Variants in CDC73 observed in about 807,000 individuals in gnomAD.
CDC73 encodes cell division cycle 73.
A neutral mutation model predicts 83.7 loss-of-function variants in CDC73; 21 were observed. The observed-to-expected ratio is 0.25, with a 90% CI of 0.18 to 0.36. The LOEUF (loss-of-function observed/expected upper bound fraction) is 0.36, where lower values mean the gene tolerates loss of function less well. Among genes scored for constraint, CDC73 ranks in the 10% least tolerant of loss-of-function variants. CDC73 has a pLI of 1.00. For synonymous variants in CDC73, 224 were observed against 212.9 expected (o/e 1.05, Z -0.45); for missense variants, 342 against 653.3 (o/e 0.52, Z 5.19).
chr1:193,204,514 C>G (rs1454809211), intron 11 of CDC73, among the ~76,000 whole-genome samples: 1 of 151,824 alleles, frequency 6.6e-6, no homozygotes, highest in Non-Finnish European at 1.5e-5. Context: ...TGGTCTTGAT[C>G]TCCTGACCTC....
chr1:193,230,708 A>G (rs1002685695), intron 13 of CDC73, among the ~76,000 whole-genome samples: 2 of 152,096 alleles, frequency 1.3e-5, no homozygotes, highest in African/African-American at 4.8e-5. Context: ...ATAGTGGTAC[A>G]ATATAATGGT....
rs2103117958 is a variant in CDC73 at position 193,130,235 on chromosome 1, G to A, written c.299G>A (p.Gly100Asp). Residue 100 changes from glycine (G) to aspartate (D), a missense_variant, in exon 3 of 17, where the codon GGT (glycine) becomes GAT (aspartate). Coordinates refer to ENST00000367435, the MANE Select transcript of CDC73 (RefSeq NM_024529.5). ...DRKDLLGYLN[G>D]EASTSASIDR... is the part of the protein sequence containing the mutation. The stretch of plus-strand genomic sequence containing the variant: ...AAAGATCTACTTGGATATCTCAATG[G>A]TGAAGCGTGTGAGTACTTTTTAAAT... 6.4e-7 allele frequency: 1 copy of A among 1,564,762 alleles called. No homozygotes were observed. Among genetic ancestry groups the A allele is most frequent in the Non-Finnish European group, 8.8e-7 (1 of 1,135,616 alleles).
At chr1:193,181,164 A>T in intron 10 of CDC73, 1 of 1,613,936 alleles carries the variant, frequency 6.2e-7, no homozygotes, top group South Asian at 1.1e-5. Flanking sequence ...TGAAATGGTA[A>T]GAATTTGGAT....
chr1:193,226,078 C>T (rs1406492910), intron 13 of CDC73, among the ~76,000 whole-genome samples: 1 of 152,052 alleles, frequency 6.6e-6, no homozygotes, highest in Non-Finnish European at 1.5e-5. Context: ...AGTCCTTGAC[C>T]CATCTTGAGT....
At chr1:193,211,978 A>C in intron 11 of CDC73, 87 bp from the exon 12 acceptor site, 1 of 1,042,318 alleles carries the variant, frequency 9.6e-7, no homozygotes, top group South Asian at 1.4e-5. Flanking sequence ...AATACACATA[A>C]TTTAAAAAAT....
rs1678101659 is a variant in CDC73, at chr1:193,254,629, G to A, written c.*3917G>A. 6.6e-6 allele frequency among the ~76,000 whole-genome samples: 1 copy of A among 152,096 alleles called. No individual in the cohort carries two copies. Among genetic ancestry groups the A allele is most frequent in the Non-Finnish European group, 1.5e-5 (1 of 67,998 alleles). On this transcript the variant is annotated 3_prime_UTR_variant, in exon 17 of 17. Transcript: ENST00000367435. Reference sequence around the variant, plus strand: ...ATAGATGTATAAAGATTTATATTTAGTTAGTATATAATAGATAATACTTGC... The same window carrying A: ...ATAGATGTATAAAGATTTATATTTAATTAGTATATAATAGATAATACTTGC...
chr1:193,188,546 T>C (rs549025707), intron 10 of CDC73, among the ~76,000 whole-genome samples: 66 of 152,284 alleles, frequency 4.3e-4, no homozygotes, highest in Middle Eastern at 3.4e-3. Flanking sequence ...ACATATTGAT[T>C]AACTACTGTG....
chr1:193,152,294 A>C, intron 9 of CDC73, 86 bp from the exon 10 acceptor site: 1 of 819,394 alleles, frequency 1.2e-6, no homozygotes, highest in East Asian at 2.6e-5. Flanking sequence ...CATCACATTC[A>C]ATGTAGATTA....
At chr1:193,243,009 G>A (rs1677888859) in intron 15 of CDC73, among the ~76,000 whole-genome samples, 1 of 150,392 alleles carries the variant, frequency 6.6e-6, no homozygotes. Flanking sequence ...CTGGAGTGCA[G>A]TGGTGCAATC....
At chr1:193,233,905 C>T (rs35111331) in intron 14 of CDC73, among the ~76,000 whole-genome samples, 3,677 of 151,598 alleles carry the variant, frequency 0.024, 68 homozygotes, top group Middle Eastern at 0.066. Flanking sequence ...TTTCTTTAAC[C>T]GGGAGTAAAA....
At chr1:193,204,282 TATATA>T (rs1426058094) in intron 11 of CDC73, among the ~76,000 whole-genome samples, 4 of 141,016 alleles carry the variant, frequency 2.8e-5, no homozygotes, top group African/African-American at 1.1e-4. Context: ...TGTGTGTATA[TATATA>T]TTTTTTTTTT....
At chr1:193,203,226 A>G (rs1234870205) in intron 10 of CDC73, among the ~76,000 whole-genome samples, 3 of 152,024 alleles carry the variant, frequency 2.0e-5, no homozygotes. Flanking sequence ...AATTATTGAG[A>G]TTTGTTGTTT....
chr1:193,136,135 A>G (rs1675795129), intron 5 of CDC73, among the ~76,000 whole-genome samples: 1 of 152,104 alleles, frequency 6.6e-6, no homozygotes, highest in Non-Finnish European at 1.5e-5. Flanking sequence ...TTTAGGCCTT[A>G]TGGGCCATAC....
chr1:193,125,411 C>T (rs1019874140), intron 2 of CDC73, among the ~76,000 whole-genome samples, 194 bp downstream of exon 2: 1 of 152,010 alleles, frequency 6.6e-6, no homozygotes, highest in African/African-American at 2.4e-5. Flanking sequence ...GCCTGTGCCA[C>T]CGTATCTGGC....
Position 193,251,504 on chromosome 1 carries a change from T to G in CDC73, c.*792T>G, listed in dbSNP as rs1678042378. 1 of 232,062 alleles carries G rather than the reference T, an allele frequency of 4.3e-6. No homozygotes were observed. The highest frequency in any genetic ancestry group is 8.5e-6 in the Non-Finnish European group (1 of 117,050). The allele number at this position is 232,062 out of a possible 1,614,324, so 14.4% of individuals were successfully genotyped here. ...AATATGTATCAGCCCTATTGCAGTA[T>G]AACTTTAAGCTCCTTTTCTCTTTAG... On this transcript the variant is annotated 3_prime_UTR_variant, in exon 17 of 17. Transcript: ENST00000367435.
chr1:193,162,359 A>G (rs972843600), intron 10 of CDC73, among the ~76,000 whole-genome samples: 1 of 139,470 alleles, frequency 7.2e-6, no homozygotes, highest in Non-Finnish European at 1.5e-5. Flanking sequence ...CATATATATT[A>G]TATATAGTGT....
At chr1:193,196,058 A>G (rs570038710) in intron 10 of CDC73, among the ~76,000 whole-genome samples, 5 of 152,344 alleles carry the variant, frequency 3.3e-5, no homozygotes, top group African/African-American at 1.2e-4. Context: ...TATCCAAGAC[A>G]TCAGTGCTAA....
Position 193,250,861 on chromosome 1 carries a change from A to T in CDC73, c.*149A>T. The T allele has an allele frequency of 8.6e-6, 6 of 699,968 alleles. No homozygotes were observed. The allele number at this position is 699,968 out of a possible 1,614,324, so 43.4% of individuals were successfully genotyped here. A position where few individuals can be genotyped will look rare whatever the true frequency, so the allele number is the denominator to read the frequency against. Reference sequence around the variant, plus strand: ...AGGAGATGATACCTGTCATCCATATAAGCAAACTTTTTGGCTTACAACTAT... The same window carrying T: ...AGGAGATGATACCTGTCATCCATATTAGCAAACTTTTTGGCTTACAACTAT... On this transcript the variant is annotated 3_prime_UTR_variant, in exon 17 of 17. Transcript: ENST00000367435.
At chr1:193,214,921 C>G (rs140548950) in intron 13 of CDC73, among the ~76,000 whole-genome samples, 1,858 of 152,238 alleles carry the variant, frequency 0.012, 19 homozygotes, top group South Asian at 0.034. Flanking sequence ...GTTGTTTCAA[C>G]TAACATCTAC....
Sources: allele counts gnomAD v4.1 joint callset (sites outside exome capture counted in the v4.1 genomes callset), GRCh38; gene constraint gnomAD v4.1.1; transcripts MANE v1.5; gene names NCBI Gene and HGNC (gene_info 2026-07-23, HGNC 2026-07-21).